The following KIF1B variants were observed in gnomAD, a reference collection of about 807,000 sequenced individuals.
KIF1B encodes kinesin-like protein KIF1B.
A neutral mutation model predicts 241.9 loss-of-function variants in KIF1B; 76 were observed. That is an observed-to-expected ratio of 0.31 (90% CI 0.26 to 0.38). The LOEUF (loss-of-function observed/expected upper bound fraction) is 0.38. Among genes scored for constraint, KIF1B ranks in the 10% least tolerant of loss-of-function variants. KIF1B has a pLI of 1.00. For missense variants in KIF1B, 1,622 were observed against 2,271.4 expected (o/e 0.71, Z 5.81); for synonymous variants, 750 against 796.7 (o/e 0.94, Z 0.99).
At chr1:10,308,728 T>A in intron 22 of KIF1B, 3 of 699,298 alleles carry the variant, frequency 4.3e-6, no homozygotes, top group Non-Finnish European at 5.3e-6. Flanking sequence ...TTTTTGATAT[T>A]TCTATGTGAA....
intron 14 of KIF1B, 109 bp downstream of exon 14, chr1:10,279,247 C>T (rs1472661725): frequency 4.4e-6 from 3 of 687,852 alleles, no homozygotes; most frequent in South Asian, 3.7e-5. Context: ...ACAGGGAAAT[C>T]CCAGACAGAG....
At chr1:10,287,300 G>C (rs964381944) in intron 15 of KIF1B, among the ~76,000 whole-genome samples, 2 of 152,114 alleles carry the variant, frequency 1.3e-5, no homozygotes, top group Admixed American at 6.5e-5. Context: ...AGGTTCAAGC[G>C]AATCTCCTGC....
At chr1:10,283,854 A>G (rs1649555856) in intron 15 of KIF1B, among the ~76,000 whole-genome samples, 1 of 152,212 alleles carries the variant, frequency 6.6e-6, no homozygotes, top group African/African-American at 2.4e-5. Flanking sequence ...ACTGCCATTC[A>G]TGCAAGGACG....
chr1:10,295,570 C>A, intron 18 of KIF1B, 90 bp from the exon 19 acceptor site: 1 of 1,195,310 alleles, frequency 8.4e-7, no homozygotes, highest in South Asian at 1.2e-5. Context: ...TTGTACGTAC[C>A]AAAGGATATT....
chr1:10,349,277 A>C (rs1179948751), intron 37 of KIF1B, among the ~76,000 whole-genome samples: 2 of 152,080 alleles, frequency 1.3e-5, no homozygotes, highest in African/African-American at 4.8e-5. Context: ...CTACAAAAAA[A>C]TATGAAAATT....
chr1:10,370,175 G>C (rs954537535), intron 44 of KIF1B, among the ~76,000 whole-genome samples: 1 of 152,182 alleles, frequency 6.6e-6, no homozygotes, highest in African/African-American at 2.4e-5. Flanking sequence ...GCTTGAACCT[G>C]GGAGGTGGAG....
Position 10,324,846 on chromosome 1 carries a change from G to A in KIF1B, c.2626G>A (p.Gly876Ser). 6.2e-7 allele frequency: 1 copy of A among 1,614,130 alleles called. No individual in the cohort carries two copies. Residue 876 changes from glycine (G) to serine (S), a missense_variant, in exon 26 of 49, where the codon GGC (glycine) becomes AGC (serine). Gly to Ser is a moderately conservative substitution (Grantham distance 56). Transcript: ENST00000676179. ...AGACGAAAGCGAAACCACTGTGACTGGCAGCGATCCCTTCTATGATCGGTT... is the reference window on the plus strand; with the variant it reads ...AGACGAAAGCGAAACCACTGTGACTAGCAGCGATCCCTTCTATGATCGGTT... ...AQDESETTVT[G>S]SDPFYDRFHW...
chr1:10,375,283 A>G lies in KIF1B; in HGVS notation c.5318A>G (p.Lys1773Arg). The G allele has an allele frequency of 6.2e-7, 1 of 1,614,182 alleles. No individual in the cohort carries two copies. The highest frequency in any genetic ancestry group is 8.5e-7 in the Non-Finnish European group (1 of 1,180,016). ...CCAAACACCTTTGCTGTCTGCACAA[A>G]GCACCGTGGGGTCCTTTTGCAGGCC... Reference protein sequence around the residue: ...KTPNTFAVCTKHRGVLLQALN... With the variant: ...KTPNTFAVCTRHRGVLLQALN... The change falls in exon 48 of 49, where the codon AAG (lysine) becomes AGG (arginine). Residue 1773 changes from lysine to arginine, a missense_variant. Lys to Arg is a conservative substitution (Grantham distance 26). Around this residue, in one of 7 missense-constraint regions of KIF1B, gnomAD observed 357 missense variants for 409.0 expected, o/e 0.87. Transcript: ENST00000676179.
chr1:10,343,840 C>T (rs1459659620), intron 34 of KIF1B, among the ~76,000 whole-genome samples: 1 of 152,084 alleles, frequency 6.6e-6, no homozygotes, highest in Admixed American at 6.5e-5. Flanking sequence ...TCTACAAACT[C>T]TCTGGTCTTC....
rs1445493149 is a variant in KIF1B at position 10,284,742 on chromosome 1, G to A, written c.1434+2209G>A. On this transcript the variant is annotated intron_variant, in intron 15 of 48. Transcript: ENST00000676179. ...CCGGCCATGGTGACGTGCATCTATA[G>A]TCCCAGCCACTCGGGAAGCTGAGGC... Among the ~76,000 whole-genome samples the A allele has an allele frequency of 1.6e-4, 24 of 151,540 alleles. 1 individual carries two copies. Among genetic ancestry groups the A allele is most frequent in the Admixed American group, 1.6e-3 (24 of 15,202 alleles).
chr1:10,366,689 C>T (rs1423699725), intron 43 of KIF1B, among the ~76,000 whole-genome samples: 1 of 152,124 alleles, frequency 6.6e-6, no homozygotes, highest in African/African-American at 2.4e-5. Context: ...AGAAAGATTT[C>T]TGGCGAGGGG....
Position 10,326,635 on chromosome 1 carries a change from G to A in KIF1B, c.2924+276G>A, listed in dbSNP as rs544295862. On this transcript the variant is annotated intron_variant, in intron 27 of 48. Coordinates refer to ENST00000676179, the MANE Select transcript of KIF1B (RefSeq NM_001365951.3). The surrounding 1 kb of genome is among the most constrained non-coding windows in gnomAD (Gnocchi z 5.2). Reference sequence around the variant, plus strand: ...TTGTCTTAAATTGCCCAGTAATTTTGTTCTGAAGAAGGGAACCCCAAAGGA... The same window carrying A: ...TTGTCTTAAATTGCCCAGTAATTTTATTCTGAAGAAGGGAACCCCAAAGGA... Among the ~76,000 whole-genome samples the A allele has an allele frequency of 6.6e-6, 1 of 152,194 alleles. No individual in the cohort carries two copies. Among genetic ancestry groups the A allele is most frequent in the Non-Finnish European group, 1.5e-5 (1 of 68,018 alleles).
chr1:10,234,288 A>T (rs897948445), intron 2 of KIF1B, among the ~76,000 whole-genome samples: 1 of 147,190 alleles, frequency 6.8e-6, no homozygotes, highest in East Asian at 2.1e-4. Flanking sequence ...GCTCACTGTA[A>T]CCTCTGTCTC....
At chr1:10,263,498 T>C (rs75378404) in intron 5 of KIF1B, among the ~76,000 whole-genome samples, 2,837 of 152,232 alleles carry the variant, frequency 0.019, 40 homozygotes, top group Non-Finnish European at 0.028. Flanking sequence ...GTATTTGTTC[T>C]GATTCTCTGT....
intron 2 of KIF1B, among the ~76,000 whole-genome samples, chr1:10,249,357 C>A (rs1647315853): frequency 6.6e-6 from 1 of 151,746 alleles, no homozygotes; most frequent in African/African-American, 2.4e-5. Context: ...TTAGTAAAAT[C>A]TACTGGTATT....
At position 10,297,158 on chromosome 1, in the gene KIF1B, T is replaced by TG; in HGVS notation, c.2043-16_2043-15insG. 1 of 1,613,130 alleles carries TG rather than the reference T, an allele frequency of 6.2e-7. No individual in the cohort carries two copies. Among genetic ancestry groups the TG allele is most frequent in the Non-Finnish European group, 8.5e-7 (1 of 1,179,568 alleles). On this transcript the variant is annotated splice_polypyrimidine_tract_variant and intron_variant, in intron 21 of 48. Transcript: ENST00000676179. ...TAATAGCATTCTTGAATTTTTTTTT[T>TG]TTTTTTTACTTCTAGGCTACAGGAA...
intron 12 of KIF1B, 121 bp downstream of exon 12, chr1:10,276,520 C>T (rs1381572722): frequency 2.7e-6 from 2 of 734,138 alleles, no homozygotes. Context: ...TTCCTTTCCT[C>T]TCATAACAGG....
intron 1 of KIF1B, chr1:10,230,983 G>A (rs1280366774): frequency 1.3e-5 from 2 of 152,186 alleles, no homozygotes; most frequent in African/African-American, 4.8e-5. Context: ...GGAGACCGAG[G>A]CAGGTGAATC....
intron 10 of KIF1B, among the ~76,000 whole-genome samples, chr1:10,273,709 C>CAAAAAAAAAAA (rs56349613): frequency 3.0e-4 from 15 of 49,584 alleles, no homozygotes; most frequent in African/African-American, 1.2e-3. Context: ...TCCTCCTCCT[C>CAAAAAAAAAAA]AAAAAAAAAA....
Sources: allele counts gnomAD v4.1 joint callset (sites outside exome capture counted in the v4.1 genomes callset), GRCh38; gene constraint gnomAD v4.1.1; regional missense constraint gnomAD v4.1.1; non-coding constraint Gnocchi (gnomAD v3.1); transcripts MANE v1.5; gene names NCBI Gene and HGNC (gene_info 2026-07-23, HGNC 2026-07-21).